Variants in PIP4K2A observed in about 807,000 individuals in gnomAD.
PIP4K2A encodes the protein phosphatidylinositol 5-phosphate 4-kinase type-2 alpha.
PIP4K2A carries 14 observed loss-of-function variants against 42.9 expected under a neutral mutation model. That is an observed-to-expected ratio of 0.33 (90% CI 0.22 to 0.51). PIP4K2A has a LOEUF of 0.51. Ranked by LOEUF, PIP4K2A falls within the 20% of genes least tolerant of loss-of-function variation. PIP4K2A has a pLI of 0.97. For missense variants in PIP4K2A, 434 were observed against 519.8 expected (o/e 0.83, Z 1.61); for synonymous variants, 192 against 192.2 (o/e 1.00, Z 0.01).
At chr10:22,542,145 T>C in intron 7 of PIP4K2A, 98 bp from the exon 8 acceptor site, 1 of 1,125,196 alleles carries the variant, frequency 8.9e-7, no homozygotes, top group Non-Finnish European at 1.3e-6. Flanking sequence ...GGGAAGGCTG[T>C]GGGGTGGGGC....
chr10:22,690,272 A>G (rs1268246384), intron 1 of PIP4K2A, among the ~76,000 whole-genome samples: 5 of 152,206 alleles, frequency 3.3e-5, no homozygotes, highest in African/African-American at 4.8e-5. Context: ...AGGTACAGAG[A>G]GATTAATTCA....
intron 1 of PIP4K2A, among the ~76,000 whole-genome samples, chr10:22,679,712 T>A (rs1197033749): frequency 6.6e-6 from 1 of 152,130 alleles, no homozygotes; most frequent in Non-Finnish European, 1.5e-5. Flanking sequence ...CACAATAGAA[T>A]ATGCCTTGAC....
At chr10:22,628,309 G>A (rs1378913498) in intron 1 of PIP4K2A, among the ~76,000 whole-genome samples, 1 of 152,110 alleles carries the variant, frequency 6.6e-6, no homozygotes, top group African/African-American at 2.4e-5. Context: ...AATGTGCACA[G>A]CATCTCAAAC....
At chr10:22,702,214 G>C (rs1833728110) in intron 1 of PIP4K2A, among the ~76,000 whole-genome samples, 1 of 152,134 alleles carries the variant, frequency 6.6e-6, no homozygotes, top group African/African-American at 2.4e-5. Context: ...ATGGCAACAA[G>C]GCACCATGAA....
chr10:22,573,218 GCTC>G, intron 5 of PIP4K2A, 90 bp downstream of exon 5: 5 of 1,152,180 alleles, frequency 4.3e-6, no homozygotes, highest in Middle Eastern at 2.8e-4. Flanking sequence ...GTGCTGAGCG[GCTC>G]CTAAGCATTT....
At chr10:22,637,247 G>C (rs1029216022) in intron 1 of PIP4K2A, among the ~76,000 whole-genome samples, 2 of 152,140 alleles carry the variant, frequency 1.3e-5, no homozygotes, top group African/African-American at 4.8e-5. Context: ...ACCTTTGTCA[G>C]TATGGCTCTT....
chr10:22,584,182 G>C (rs1328927518), intron 4 of PIP4K2A, among the ~76,000 whole-genome samples: 1 of 152,168 alleles, frequency 6.6e-6, no homozygotes, highest in Non-Finnish European at 1.5e-5. Flanking sequence ...GTTTTGAATA[G>C]TTACGTACAA....
chr10:22,545,707 T>G (rs1564414222), intron 7 of PIP4K2A, among the ~76,000 whole-genome samples: 1 of 152,150 alleles, frequency 6.6e-6, no homozygotes, highest in East Asian at 1.9e-4. Context: ...ATTGCACATG[T>G]TTTCTTTTTG....
At chr10:22,697,384 A>G (rs1294607155) in intron 1 of PIP4K2A, among the ~76,000 whole-genome samples, 1 of 152,214 alleles carries the variant, frequency 6.6e-6, no homozygotes, top group African/African-American at 2.4e-5. Context: ...TTCAAGCCAA[A>G]CTACAGGACC....
At chr10:22,697,914 C>T (rs1005747219) in intron 1 of PIP4K2A, among the ~76,000 whole-genome samples, 22 of 152,110 alleles carry the variant, frequency 1.4e-4, no homozygotes, top group Non-Finnish European at 2.4e-4. Flanking sequence ...CCTGACTAGT[C>T]TACTTACATG....
At chr10:22,625,438 A>G (rs919963411) in intron 1 of PIP4K2A, among the ~76,000 whole-genome samples, 3 of 152,246 alleles carry the variant, frequency 2.0e-5, no homozygotes, top group Non-Finnish European at 4.4e-5. Flanking sequence ...ACTATAATGT[A>G]TACATCACAA....
At chr10:22,665,649 C>CA (rs1282700258) in intron 1 of PIP4K2A, among the ~76,000 whole-genome samples, 2 of 145,024 alleles carry the variant, frequency 1.4e-5, no homozygotes, top group Non-Finnish European at 3.0e-5. Flanking sequence ...AATGGTGTCT[C>CA]ACTATGTTGC....
At chr10:22,573,181 A>T in intron 5 of PIP4K2A, 130 bp downstream of exon 5, 2 of 769,708 alleles carry the variant, frequency 2.6e-6, no homozygotes, top group Non-Finnish European at 4.3e-6. Flanking sequence ...AGGAAGGAAT[A>T]CACTGCTACT....
intron 1 of PIP4K2A, among the ~76,000 whole-genome samples, chr10:22,621,308 T>C (rs1429223218): frequency 6.6e-6 from 1 of 152,210 alleles, no homozygotes; most frequent in Non-Finnish European, 1.5e-5. Flanking sequence ...GGATGTCAAA[T>C]AAGAACTTCA....
chr10:22,645,183 A>G (rs1438605478), intron 1 of PIP4K2A, among the ~76,000 whole-genome samples: 1 of 150,060 alleles, frequency 6.7e-6, no homozygotes, highest in East Asian at 1.9e-4. Context: ...ATTTTTTTAA[A>G]TGGGTGACGA....
At chr10:22,684,994 T>C (rs904025444) in intron 1 of PIP4K2A, among the ~76,000 whole-genome samples, 2 of 152,170 alleles carry the variant, frequency 1.3e-5, no homozygotes, top group African/African-American at 4.8e-5. Flanking sequence ...GTGGAACCCG[T>C]GCAATAACAG....
chr10:22,537,119 C>G lies in PIP4K2A; in HGVS notation c.*82G>C, dbSNP rs775797235. On this transcript the variant is annotated 3_prime_UTR_variant, in exon 10 of 10. Coordinates refer to ENST00000376573, the MANE Select transcript of PIP4K2A (RefSeq NM_005028.5). ...TGCTTCCTGCAAGATGAGTACTTCA[C>G]TGAGTTTGGTTTTCATTTTTCCTAC... The G allele has an allele frequency of 3.8e-6, 4 of 1,049,284 alleles. No homozygotes were observed. The highest frequency in any genetic ancestry group is 5.7e-6 in the Non-Finnish European group (4 of 697,364). The allele number at this position is 1,049,284 out of a possible 1,614,324, so 65.0% of individuals were successfully genotyped here.
chr10:22,677,819 T>C (rs1193871103), intron 1 of PIP4K2A, among the ~76,000 whole-genome samples: 1 of 152,196 alleles, frequency 6.6e-6, no homozygotes, highest in Non-Finnish European at 1.5e-5. Context: ...AGCATCTCAA[T>C]CAGTCAGTAA....
At chr10:22,711,481 T>C (rs181975852) in intron 1 of PIP4K2A, among the ~76,000 whole-genome samples, 27 of 152,366 alleles carry the variant, frequency 1.8e-4, no homozygotes, top group Admixed American at 1.2e-3. Context: ...AATCCTAGTA[T>C]AACACTGTGC....
Sources: gnomAD v4.1 joint callset for allele counts (sites outside exome capture counted in the v4.1 genomes callset) on GRCh38, gnomAD v4.1.1 for gene constraint, MANE v1.5 for transcripts, NCBI Gene and HGNC (gene_info 2026-07-23, HGNC 2026-07-21) for gene names.